MORC1: variants seen among roughly 807,000 people sequenced by gnomAD.
MORC1 encodes MORC family CW-type zinc finger protein 1.
MORC1 carries 59 observed loss-of-function variants against 134.9 expected under a neutral mutation model. The ratio of observed to expected loss-of-function variants is 0.44; its 90% CI spans 0.35 to 0.54. MORC1 has a LOEUF of 0.54. MORC1 is among the 20% of genes least tolerant of loss of function. The pLI is 0.00. For synonymous variants in MORC1, 395 were observed against 391.7 expected (o/e 1.01, Z -0.10); for missense variants, 947 against 1,134.5 (o/e 0.83, Z 2.37).
chr3:109,004,537 C>T (rs1219645691), intron 20 of MORC1, among the ~76,000 whole-genome samples: 2 of 152,110 alleles, frequency 1.3e-5, no homozygotes, highest in African/African-American at 4.8e-5. Flanking sequence ...ATAATGGCAA[C>T]TCTGTAAGAA....
intron 14 of MORC1, among the ~76,000 whole-genome samples, chr3:109,053,259 C>T (rs1180441417): frequency 2.0e-5 from 3 of 152,102 alleles, no homozygotes; most frequent in Non-Finnish European, 2.9e-5. Flanking sequence ...ACCCAGCAAT[C>T]CTATTACTGG....
Position 109,057,326 on chromosome 3 carries a change from A to G in MORC1, c.1175+17T>C. The G allele has an allele frequency of 6.2e-7, 1 of 1,601,826 alleles. No homozygotes were observed. The highest frequency in any genetic ancestry group is 8.5e-7 in the Non-Finnish European group (1 of 1,174,992). On this transcript the variant is annotated intron_variant, in intron 13 of 27. Coordinates refer to ENST00000232603, the MANE Select transcript of MORC1 (RefSeq NM_014429.4). Reference sequence around the variant, plus strand: ...CCCTTTCTCTGCTTATATCTCTGAAAGCAAAAACATACTCACAAGGACTTC... The same window carrying G: ...CCCTTTCTCTGCTTATATCTCTGAAGGCAAAAACATACTCACAAGGACTTC...
intron 23 of MORC1, among the ~76,000 whole-genome samples, chr3:108,980,930 A>G (rs1947700618): frequency 6.6e-6 from 1 of 152,112 alleles, no homozygotes; most frequent in Admixed American, 6.6e-5. Context: ...TGGGGAGGGA[A>G]CTAGAGTTTC....
intron 1 of MORC1, among the ~76,000 whole-genome samples, chr3:109,116,337 G>A (rs1249896320): frequency 2.0e-5 from 3 of 152,318 alleles, no homozygotes; most frequent in South Asian, 2.1e-4. Context: ...TGGTGGCTTG[G>A]ACTAAAGTCA....
intron 8 of MORC1, among the ~76,000 whole-genome samples, chr3:109,078,672 A>T (rs1260416744): frequency 6.6e-6 from 1 of 151,896 alleles, no homozygotes; most frequent in Non-Finnish European, 1.5e-5. Flanking sequence ...AAAAGATATA[A>T]GAAAATAAAG....
intron 14 of MORC1, 125 bp downstream of exon 14, chr3:109,054,603 C>A: frequency 1.2e-6 from 1 of 840,774 alleles, no homozygotes; most frequent in Non-Finnish European, 1.7e-6. Flanking sequence ...GTTTTTAAAG[C>A]AGGAGCTCCC....
chr3:108,958,986 AT>A lies in MORC1; in HGVS notation c.2933del (p.Asn978MetfsTer19). 1.3e-6 allele frequency: 2 copies of A among 1,506,330 alleles called. No individual in the cohort carries two copies. The highest frequency in any genetic ancestry group is 1.8e-6 in the Non-Finnish European group (2 of 1,129,496). 93.3% of individuals were successfully genotyped at this position (1,506,330 alleles called of 1,614,324 possible). On this transcript the variant is annotated frameshift_variant, in exon 28 of 28. Coordinates refer to ENST00000232603, the MANE Select transcript of MORC1 (RefSeq NM_014429.4). LOFTEE classifies it low-confidence loss of function (END_TRUNC). ...DARHRLPLEK[N>X]EKTSEN ...TGACTTAATTTTCCGAAGTCTTTTC[AT>A]TTTTTTCTAAAGGGAGTCTATGTCT...
chr3:109,108,757 G>C (rs897041513), intron 3 of MORC1, among the ~76,000 whole-genome samples: 1 of 152,066 alleles, frequency 6.6e-6, no homozygotes. Context: ...AAAATTAGCC[G>C]GGCATGGTGG....
At chr3:109,030,634 A>G (rs1447050861) in intron 16 of MORC1, among the ~76,000 whole-genome samples, 1 of 152,358 alleles carries the variant, frequency 6.6e-6, no homozygotes, top group East Asian at 1.9e-4. Context: ...TTATAAATAT[A>G]AGAAAACTTT....
chr3:109,032,083 G>C (rs1374989106), intron 16 of MORC1, among the ~76,000 whole-genome samples: 1 of 152,044 alleles, frequency 6.6e-6, no homozygotes, highest in African/African-American at 2.4e-5. Context: ...TTACCCTAAT[G>C]TCTATATTAA....
intron 9 of MORC1, among the ~76,000 whole-genome samples, chr3:109,066,780 T>C (rs915016112): frequency 6.6e-6 from 1 of 152,198 alleles, no homozygotes; most frequent in Non-Finnish European, 1.5e-5. Context: ...CATAATAACC[T>C]CAGTGGCAGA....
chr3:109,102,702 G>A (rs865930392), intron 4 of MORC1, among the ~76,000 whole-genome samples: 1 of 152,070 alleles, frequency 6.6e-6, no homozygotes, highest in Admixed American at 6.5e-5. Flanking sequence ...TATAAAAAGA[G>A]TTGCTTCTTT....
chr3:109,063,388 T>C (rs535199950), intron 9 of MORC1, among the ~76,000 whole-genome samples, 157 bp from the exon 10 acceptor site: 6 of 152,302 alleles, frequency 3.9e-5, no homozygotes, highest in Admixed American at 2.0e-4. Context: ...GCAAACTTTA[T>C]ACCTAAGTGA....
intron 8 of MORC1, among the ~76,000 whole-genome samples, chr3:109,074,507 T>C (rs1033153259): frequency 2.6e-5 from 4 of 152,188 alleles, no homozygotes; most frequent in African/African-American, 9.7e-5. Context: ...AGTTTGGAAC[T>C]TGAAAGAGAT....
chr3:109,029,357 T>C (rs1009396749), intron 16 of MORC1, among the ~76,000 whole-genome samples: 7 of 152,206 alleles, frequency 4.6e-5, no homozygotes, highest in African/African-American at 1.7e-4. Context: ...AAAGAACCTG[T>C]GACAACATTA....
intron 24 of MORC1, among the ~76,000 whole-genome samples, chr3:108,978,950 G>A (rs1947637900): frequency 6.6e-6 from 1 of 151,974 alleles, no homozygotes; most frequent in African/African-American, 2.4e-5. Flanking sequence ...TCTGTATATA[G>A]ACTTCTTTGA....
chr3:108,990,754 T>C (rs954460121), intron 21 of MORC1, among the ~76,000 whole-genome samples: 6 of 151,872 alleles, frequency 4.0e-5, no homozygotes, highest in African/African-American at 9.7e-5. Context: ...ATGTTCAAGA[T>C]AGTCACAGAA....
chr3:109,024,938 A>G (rs947335371), intron 17 of MORC1, among the ~76,000 whole-genome samples: 1 of 152,232 alleles, frequency 6.6e-6, no homozygotes, highest in Non-Finnish European at 1.5e-5. Flanking sequence ...GAATGAGGAC[A>G]GGAAATTTAC....
chr3:109,117,476 T>C (rs1951298125), intron 1 of MORC1, among the ~76,000 whole-genome samples: 1 of 152,126 alleles, frequency 6.6e-6, no homozygotes, highest in African/African-American at 2.4e-5. Context: ...GCAATCTGAC[T>C]ATCTGAAATG....
Sources: gnomAD v4.1 joint callset for allele counts (sites outside exome capture counted in the v4.1 genomes callset) on GRCh38, gnomAD v4.1.1 for gene constraint, MANE v1.5 for transcripts, NCBI Gene and HGNC (gene_info 2026-07-23, HGNC 2026-07-21) for gene names.